The following DHRSX variants were observed in gnomAD, a reference collection of about 807,000 sequenced individuals.
DHRSX encodes the protein dehydrogenase/reductase X-linked, also known as polyprenol dehydrogenase.
In DHRSX, 31 loss-of-function variants were observed where a neutral mutation model predicts 34.0. The ratio of observed to expected loss-of-function variants is 0.91; its 90% CI spans 0.69 to 1.23. DHRSX has a LOEUF of 1.23. Among genes scored for constraint, DHRSX ranks in the 50% most tolerant of loss-of-function variants. The pLI is 0.00. For synonymous variants in DHRSX, 201 were observed against 183.8 expected (o/e 1.09, Z -0.76); for missense variants, 414 against 428.1 (o/e 0.97, Z 0.29).
At position 2,463,330 on chromosome X, in the gene DHRSX, AACG is replaced by A. The variant is rs754676552; in HGVS notation, c.109+37484_109+37486del. On this transcript the variant is annotated intron_variant, in intron 1 of 6. Transcript: ENST00000334651. ...GACTCCGTCTCAAAACAACAACAAC[AACG>A]GTTGGATCAAGAATGAAAGGTGCAC... Among the ~76,000 whole-genome samples the A allele has an allele frequency of 4.6e-3, 707 of 152,090 alleles. 5 individuals are homozygous for A. The highest frequency in any genetic ancestry group is 0.015 in the African/African-American group (626 of 41,498).
intron 3 of DHRSX, among the ~76,000 whole-genome samples, chrX:2,330,101 G>A (rs1569489719): frequency 5.0e-4 from 26 of 51,690 alleles, no homozygotes; most frequent in African/African-American, 2.2e-3. Context: ...GGGGAGGGAG[G>A]GAGAGAGAGA....
chrX:2,471,382 T>C (rs868038788), intron 1 of DHRSX, among the ~76,000 whole-genome samples: 1 of 151,944 alleles, frequency 6.6e-6, no homozygotes, highest in Non-Finnish European at 1.5e-5. Context: ...GCCTGAACAA[T>C]AGGCTGAAAC....
chrX:2,340,960 G>A (rs927143360), intron 3 of DHRSX, among the ~76,000 whole-genome samples: 13 of 152,080 alleles, frequency 8.5e-5, no homozygotes, highest in Non-Finnish European at 1.6e-4. Context: ...CCTGCATTGC[G>A]GAGGACCAAG....
chrX:2,318,543 G>A (rs2042268517), intron 3 of DHRSX, among the ~76,000 whole-genome samples: 1 of 144,230 alleles, frequency 6.9e-6, no homozygotes, highest in African/African-American at 2.9e-5. Flanking sequence ...TTCATTATAC[G>A]CTAACTCTAA....
intron 3 of DHRSX, among the ~76,000 whole-genome samples, chrX:2,299,984 C>CT (rs1402509700): frequency 6.6e-6 from 1 of 152,000 alleles, no homozygotes; most frequent in Admixed American, 6.6e-5. Flanking sequence ...TGGAAAGACA[C>CT]AGAGGCATGT....
intron 1 of DHRSX, among the ~76,000 whole-genome samples, chrX:2,493,097 G>T (rs754068570): frequency 1.3e-5 from 2 of 152,224 alleles, no homozygotes; most frequent in African/African-American, 2.4e-5. Context: ...AAGGAGGGGG[G>T]TCCTGTGGCC....
chrX:2,246,696 A>AG lies in DHRSX; in HGVS notation c.597-3467_597-3466insC, dbSNP rs1226549390. On this transcript the variant is annotated intron_variant, in intron 5 of 6. Coordinates refer to ENST00000334651, the MANE Select transcript of DHRSX (RefSeq NM_145177.3). ...AAAGAAAGAAAGAAAAAGAAAAGAA[A>AG]AGAAAGAAAGAGAAAGAAAGAAAGA... Among the ~76,000 whole-genome samples, 228 of 121,212 alleles carry AG rather than the reference A, an allele frequency of 1.9e-3. 3 individuals carry two copies. The highest frequency in any genetic ancestry group is 6.6e-3 in the African/African-American group (206 of 31,180). The allele number at this position is 121,212 out of a possible 152,430, so 79.5% of individuals were successfully genotyped here. A position where few individuals can be genotyped will look rare whatever the true frequency, so the allele number is the denominator to read the frequency against.
chrX:2,409,414 T>A (rs1382503078), intron 2 of DHRSX, among the ~76,000 whole-genome samples: 1 of 152,184 alleles, frequency 6.6e-6, no homozygotes, highest in Non-Finnish European at 1.5e-5. Flanking sequence ...CCTAATGCTC[T>A]CCCTGCCCTG....
intron 3 of DHRSX, among the ~76,000 whole-genome samples, chrX:2,349,356 C>T (rs1386311944): frequency 1.3e-5 from 2 of 151,728 alleles, no homozygotes; most frequent in Non-Finnish European, 2.9e-5. Context: ...AAAGAAAATG[C>T]GGTACACGCA....
intron 1 of DHRSX, among the ~76,000 whole-genome samples, chrX:2,460,135 T>C (rs1048207891): frequency 5.5e-4 from 84 of 151,844 alleles, no homozygotes; most frequent in Non-Finnish European, 9.9e-4. Flanking sequence ...AAAAAAAGTA[T>C]CCACACTGCA....
In DHRSX at chrX:2,480,387, A is replaced by C. The variant is rs371198263; in HGVS notation, c.109+20430T>G. On this transcript the variant is annotated intron_variant, in intron 1 of 6. Coordinates refer to ENST00000334651, the MANE Select transcript of DHRSX (RefSeq NM_145177.3). ...ATGAAGTGTTTGTCAAAGAACATAAAATTTCAGTTGGAGGCCAGGAGCGGT... is the reference window on the plus strand; with the variant it reads ...ATGAAGTGTTTGTCAAAGAACATAACATTTCAGTTGGAGGCCAGGAGCGGT... Among the ~76,000 whole-genome samples, 489 of 150,484 alleles carry C rather than the reference A, an allele frequency of 3.2e-3. 2 individuals are homozygous for C. The highest frequency in any genetic ancestry group is 0.011 in the African/African-American group (448 of 40,956).
intron 3 of DHRSX, among the ~76,000 whole-genome samples, chrX:2,384,538 G>A (rs2043248041): frequency 6.6e-6 from 1 of 152,194 alleles, no homozygotes; most frequent in Non-Finnish European, 1.5e-5. Context: ...AACCTCATGA[G>A]AGGATGGAAT....
chrX:2,465,640 A>G (rs1455020073), intron 1 of DHRSX, among the ~76,000 whole-genome samples: 2 of 141,044 alleles, frequency 1.4e-5, no homozygotes, highest in Non-Finnish European at 3.0e-5. Flanking sequence ...CGTCTCTACT[A>G]AAAATACAAA....
chrX:2,443,351 C>G (rs2044086147), intron 1 of DHRSX, among the ~76,000 whole-genome samples: 1 of 151,928 alleles, frequency 6.6e-6, no homozygotes, highest in Non-Finnish European at 1.5e-5. Context: ...TACTTTAGCC[C>G]AGGGGTCTAA....
At chrX:2,452,303 G>A (rs1269121585) in intron 1 of DHRSX, among the ~76,000 whole-genome samples, 6 of 151,914 alleles carry the variant, frequency 3.9e-5, no homozygotes, top group African/African-American at 1.2e-4. Context: ...ACACACTGAA[G>A]ACGTTCCCTA....
At chrX:2,478,820 T>G (rs1331700505) in intron 1 of DHRSX, among the ~76,000 whole-genome samples, 1 of 150,442 alleles carries the variant, frequency 6.6e-6, no homozygotes, top group African/African-American at 2.5e-5. Flanking sequence ...ACCACCACCA[T>G]GTAAGAAGTG....
intron 1 of DHRSX, chrX:2,488,565 G>C: frequency 3.3e-6 from 5 of 1,507,882 alleles, no homozygotes; most frequent in East Asian, 2.3e-5. Context: ...AAGCTGACCG[G>C]GTAAGTATTT....
At chrX:2,344,456 A>G (rs191420889) in intron 3 of DHRSX, among the ~76,000 whole-genome samples, 6,485 of 152,118 alleles carry the variant, frequency 0.043, 372 homozygotes, top group African/African-American at 0.13. Context: ...TCAAGAATCC[A>G]GAACCAGAAA....
intron 1 of DHRSX, among the ~76,000 whole-genome samples, chrX:2,449,350 C>G (rs1166891986): frequency 6.6e-6 from 1 of 152,156 alleles, no homozygotes; most frequent in African/African-American, 2.4e-5. Context: ...TCCCCTAACA[C>G]ACACCATGGC....
Sources: allele counts gnomAD v4.1 joint callset (sites outside exome capture counted in the v4.1 genomes callset), GRCh38; gene constraint gnomAD v4.1.1; transcripts MANE v1.5; gene names NCBI Gene and HGNC (gene_info 2026-07-23, HGNC 2026-07-21).